EBF3: variants seen among roughly 807,000 people sequenced by gnomAD.
EBF3 encodes the protein transcription factor COE3.
Under a neutral mutation model 77.1 loss-of-function variants are expected in EBF3, and 18 were observed. The observed-to-expected ratio is 0.23, with a 90% CI of 0.16 to 0.35. The LOEUF is 0.35. Among genes scored for constraint, EBF3 ranks in the 10% least tolerant of loss-of-function variants. The probability of loss-of-function intolerance (pLI) is 1.00; values close to 1 mark genes in which losing one functional copy is unlikely to be tolerated. For synonymous variants in EBF3, 350 were observed against 343.5 expected (o/e 1.02, Z -0.21); for missense variants, 558 against 860.0 (o/e 0.65, Z 4.39).
intron 4 of EBF3, among the ~76,000 whole-genome samples, chr10:129,961,644 G>A (rs1199340028): frequency 6.6e-6 from 1 of 152,146 alleles, no homozygotes; most frequent in Non-Finnish European, 1.5e-5. Flanking sequence ...GGGGGGCTGC[G>A]AGGTGAAGAT....
At chr10:129,949,513 G>A (rs545367064) in intron 6 of EBF3, among the ~76,000 whole-genome samples, 20 of 152,304 alleles carry the variant, frequency 1.3e-4, no homozygotes, top group East Asian at 5.8e-4. Flanking sequence ...GTGGGGGAAC[G>A]TGACCTTTGA....
Position 129,842,751 on chromosome 10 carries a change from A to G in EBF3, c.1194+386T>C, listed in dbSNP as rs1850168744. Among the ~76,000 whole-genome samples the G allele has an allele frequency of 1.5e-5, 2 of 137,186 alleles. No homozygotes were observed. The highest frequency in any genetic ancestry group is 5.1e-4 in the South Asian group (2 of 3,936). 90.0% of individuals were successfully genotyped at this position (137,186 alleles called of 152,430 possible). On this transcript the variant is annotated intron_variant, in intron 12 of 16. Transcript: ENST00000440978. This position sits in a 1 kb window ranked among gnomAD's most constrained non-coding sequence, Gnocchi z 4.4. ...TGCACTCCAGCCTGGGTGACAGAGC[A>G]AGACCCTGTCTAAAAAAAAAAAAAA...
At chr10:129,899,866 T>G (rs1854661352) in intron 6 of EBF3, among the ~76,000 whole-genome samples, 1 of 152,222 alleles carries the variant, frequency 6.6e-6, no homozygotes, top group Non-Finnish European at 1.5e-5. Flanking sequence ...TAAATTAATT[T>G]TCTCTCCAAG....
In EBF3 at chr10:129,915,422, TTA is replaced by T. The variant is rs1589849017; in HGVS notation, c.555-37575_555-37574del. On this transcript the variant is annotated intron_variant, in intron 6 of 16. Coordinates refer to ENST00000440978, the MANE Select transcript of EBF3 (RefSeq NM_001375380.1). Reference sequence around the variant, plus strand: ...CACAAAAACACTTTCTCCAGAAGAGTTATGATTTAAAACACTCACCCATGCAT... The same window carrying T: ...CACAAAAACACTTTCTCCAGAAGAGTTGATTTAAAACACTCACCCATGCAT... 4.6e-5 allele frequency among the ~76,000 whole-genome samples: 7 copies of T among 150,666 alleles called. No homozygotes were observed. In the South Asian group the frequency reaches 1.5e-3, roughly 32 times the overall value.
chr10:129,948,764 G>A (rs907858867), intron 6 of EBF3, among the ~76,000 whole-genome samples: 1 of 152,200 alleles, frequency 6.6e-6, no homozygotes, highest in African/African-American at 2.4e-5. Context: ...ATCAGATGCA[G>A]AGGAAGACAA....
chr10:129,950,031 G>A (rs1424219571), intron 6 of EBF3, among the ~76,000 whole-genome samples: 1 of 148,600 alleles, frequency 6.7e-6, no homozygotes, highest in South Asian at 2.2e-4. Flanking sequence ...GGAGGGAGGA[G>A]GGAGGGGAGG....
At chr10:129,898,060 C>A (rs980849436) in intron 6 of EBF3, among the ~76,000 whole-genome samples, 1 of 152,246 alleles carries the variant, frequency 6.6e-6, no homozygotes, top group Admixed American at 6.5e-5. Flanking sequence ...GCTCAGCGCT[C>A]CTGTTGGGCT....
chr10:129,922,104 C>T (rs950726132), intron 6 of EBF3, among the ~76,000 whole-genome samples: 1 of 152,228 alleles, frequency 6.6e-6, no homozygotes, highest in Non-Finnish European at 1.5e-5. Flanking sequence ...TGACCAGGCT[C>T]ATGCCAGCCC....
At chr10:129,917,307 T>C (rs1323553273) in intron 6 of EBF3, among the ~76,000 whole-genome samples, 2 of 152,014 alleles carry the variant, frequency 1.3e-5, no homozygotes, top group Admixed American at 1.3e-4. Context: ...ACATCGCAGT[T>C]GCAGTGAGCC....
At chr10:129,867,056 C>A in intron 10 of EBF3, 85 bp downstream of exon 10, 1 of 1,507,802 alleles carries the variant, frequency 6.6e-7, no homozygotes, top group Non-Finnish European at 8.9e-7. Flanking sequence ...CCTCTCTGTA[C>A]AGTCCTCCCG....
In EBF3 at chr10:129,935,934, G is replaced by A. The variant is rs574502504; in HGVS notation, c.554+21324C>T. 7.5e-3 allele frequency among the ~76,000 whole-genome samples: 1,136 copies of A among 152,162 alleles called. 14 individuals are homozygous for A. The highest frequency in any genetic ancestry group is 0.025 in the African/African-American group (1,049 of 41,510). ...GAGCCCAAGCAGCCCTGGAGCACCA[G>A]GGCCCCTCCTCCACCATCATCCATC... On this transcript the variant is annotated intron_variant, in intron 6 of 16. Coordinates refer to ENST00000440978, the MANE Select transcript of EBF3 (RefSeq NM_001375380.1). The surrounding 1 kb of genome is among the most constrained non-coding windows in gnomAD (Gnocchi z 4.2).
chr10:129,919,900 C>T (rs552747881), intron 6 of EBF3, among the ~76,000 whole-genome samples: 7 of 152,270 alleles, frequency 4.6e-5, no homozygotes, highest in Middle Eastern at 3.4e-3. Flanking sequence ...CCCAGAGATG[C>T]CGCTTAATCA....
chr10:129,905,319 T>C (rs781778202), intron 6 of EBF3, among the ~76,000 whole-genome samples: 3 of 152,228 alleles, frequency 2.0e-5, no homozygotes, highest in Non-Finnish European at 4.4e-5. Context: ...TTCCCAAACT[T>C]AGTGAACAAG....
intron 6 of EBF3, among the ~76,000 whole-genome samples, chr10:129,917,123 CT>C (rs11306045): frequency 0.12 from 18,357 of 152,196 alleles, 1,546 homozygotes; most frequent in Admixed American, 0.27. Flanking sequence ...AATTCCAGCA[CT>C]TGGGAGGCCG....
At position 129,935,126 on chromosome 10, in the gene EBF3, T is replaced by C. The variant is rs182946041; in HGVS notation, c.554+22132A>G. On this transcript the variant is annotated intron_variant, in intron 6 of 16. Transcript: ENST00000440978. The surrounding 1 kb of genome is among the most constrained non-coding windows in gnomAD (Gnocchi z 4.2). ...CCGGTTCCCTAAGAACCGGACCCTC[T>C]AGTGGATCATGATGTGGATGCATTT... Among the ~76,000 whole-genome samples, 211 of 152,286 alleles carry C rather than the reference T, an allele frequency of 1.4e-3. 1 individual carries two copies. The highest frequency in any genetic ancestry group is 4.7e-3 in the African/African-American group (194 of 41,566).
chr10:129,926,032 G>A lies in EBF3; in HGVS notation c.554+31226C>T, dbSNP rs1028263812. ...ACAAGAAACACAAAGTGGGCAAAGT[G>A]TCACACTGAAATGCTGAGAGACATC... is the stretch of plus-strand genomic sequence containing the variant. On this transcript the variant is annotated intron_variant, in intron 6 of 16. Coordinates refer to ENST00000440978, the MANE Select transcript of EBF3 (RefSeq NM_001375380.1). Among the ~76,000 whole-genome samples, 6 of 152,202 alleles carry A rather than the reference G, an allele frequency of 3.9e-5. No homozygotes were observed. In the South Asian group the frequency reaches 1.2e-3, roughly 31 times the overall value.
At chr10:129,850,986 C>A (rs527977899) in intron 10 of EBF3, among the ~76,000 whole-genome samples, 2 of 152,366 alleles carry the variant, frequency 1.3e-5, no homozygotes, top group Non-Finnish European at 2.9e-5. Context: ...CGAGCCAGGG[C>A]AAGGCGCTGG....
At chr10:129,843,243 C>G (rs750266730) in intron 11 of EBF3, 41 bp from the exon 12 acceptor site, 2 of 1,581,546 alleles carry the variant, frequency 1.3e-6, no homozygotes, top group Non-Finnish European at 1.7e-6. Context: ...TGGGAGGAAC[C>G]GGCCAGTTAT....
chr10:129,840,182 C>A, intron 15 of EBF3, 63 bp downstream of exon 15: 1 of 1,331,590 alleles, frequency 7.5e-7, no homozygotes, highest in South Asian at 1.3e-5. Context: ...GCCCCCACCC[C>A]CACTCCCATC....
Sources: allele counts gnomAD v4.1 joint callset (sites outside exome capture counted in the v4.1 genomes callset), GRCh38; gene constraint gnomAD v4.1.1; non-coding constraint Gnocchi (gnomAD v3.1); transcripts MANE v1.5; gene names NCBI Gene and HGNC (gene_info 2026-07-23, HGNC 2026-07-21).